The following TMEM131 variants were observed in gnomAD, a reference collection of about 807,000 sequenced individuals.
The protein encoded by TMEM131 is transmembrane protein 131.
TMEM131 carries 66 observed loss-of-function variants against 211.6 expected under a neutral mutation model. That is an observed-to-expected ratio of 0.31 (90% CI 0.26 to 0.38). The LOEUF is 0.38. TMEM131 is among the 10% of genes least tolerant of loss of function. The pLI, the probability that TMEM131 is intolerant of heterozygous loss-of-function variation, is 1.00. For synonymous variants in TMEM131, 844 were observed against 841.3 expected (o/e 1.00, Z -0.06); for missense variants, 2,036 against 2,299.3 (o/e 0.89, Z 2.34).
chr2:97,973,546 T>C (rs1679398192), intron 1 of TMEM131, among the ~76,000 whole-genome samples: 1 of 152,062 alleles, frequency 6.6e-6, no homozygotes, highest in African/African-American at 2.4e-5. Flanking sequence ...AATACCAAAA[T>C]GGAGTGAGCT....
In TMEM131 at chr2:97,827,420, C is replaced by A. The variant is rs186741170; in HGVS notation, c.1074+5945G>T. On this transcript the variant is annotated intron_variant, in intron 11 of 40. Coordinates refer to ENST00000186436, the MANE Select transcript of TMEM131 (RefSeq NM_015348.2). ...GTGCAAACAAAAGGGAAAAGGGGAG[C>A]AAAGGGAAAACAGGCCGAAGTGGCT... is the stretch of plus-strand genomic sequence containing the variant. 9.2e-4 allele frequency: 969 copies of A among 1,051,626 alleles called. 8 individuals are homozygous for A. The East Asian group carries it at 0.017, about 18-fold the overall frequency. 65.1% of individuals were successfully genotyped at this position (1,051,626 alleles called of 1,614,324 possible).
At chr2:97,857,456 T>C (rs1673894002) in intron 5 of TMEM131, among the ~76,000 whole-genome samples, 1 of 152,234 alleles carries the variant, frequency 6.6e-6, no homozygotes, top group African/African-American at 2.4e-5. Context: ...CCCTGGCCTT[T>C]AACACAGGTG....
chr2:97,841,738 T>C, intron 7 of TMEM131, 77 bp downstream of exon 7: 1 of 1,433,066 alleles, frequency 7.0e-7, no homozygotes, highest in Admixed American at 2.7e-5. Context: ...TTGGAAACTG[T>C]AACAAACTGA....
chr2:97,782,233 G>A (rs1481744639), intron 31 of TMEM131, among the ~76,000 whole-genome samples: 4 of 152,206 alleles, frequency 2.6e-5, no homozygotes, highest in Non-Finnish European at 5.9e-5. Flanking sequence ...AGAACTCCCA[G>A]CCCTACCCAG....
At chr2:97,826,949 A>C (rs929587709) in intron 11 of TMEM131, among the ~76,000 whole-genome samples, 7 of 152,000 alleles carry the variant, frequency 4.6e-5, no homozygotes, top group African/African-American at 1.7e-4. Context: ...AATCTTAACT[A>C]ATTACTATAC....
At chr2:97,986,491 T>C (rs570337044) in intron 1 of TMEM131, among the ~76,000 whole-genome samples, 1 of 152,324 alleles carries the variant, frequency 6.6e-6, no homozygotes, top group Admixed American at 6.5e-5. Flanking sequence ...TAAACAAGAA[T>C]TTCTAGGATT....
At chr2:97,952,637 G>A (rs1486349963) in intron 1 of TMEM131, among the ~76,000 whole-genome samples, 1 of 152,188 alleles carries the variant, frequency 6.6e-6, no homozygotes, top group African/African-American at 2.4e-5. Flanking sequence ...AGCACTTTGG[G>A]AGGCCGAGGC....
chr2:97,985,554 C>G (rs887218893), intron 1 of TMEM131, among the ~76,000 whole-genome samples: 1 of 151,882 alleles, frequency 6.6e-6, no homozygotes, highest in African/African-American at 2.4e-5. Flanking sequence ...TAAGAAACTG[C>G]TTTTTGAAGA....
intron 33 of TMEM131, among the ~76,000 whole-genome samples, chr2:97,769,442 T>C (rs936045967): frequency 5.3e-5 from 8 of 152,174 alleles, no homozygotes; most frequent in African/African-American, 1.9e-4. Flanking sequence ...CAGTACACAT[T>C]TCTGTCTGGG....
chr2:97,805,245 C>T, intron 21 of TMEM131, 40 bp from the exon 22 acceptor site: 10 of 1,584,668 alleles, frequency 6.3e-6, no homozygotes, highest in East Asian at 2.2e-5. Context: ...TCTATACTCA[C>T]TTGTCAATTT....
At chr2:97,760,037 A>T (rs1333119015) in intron 38 of TMEM131, 2 of 373,902 alleles carry the variant, frequency 5.3e-6, no homozygotes, top group East Asian at 9.8e-5. Flanking sequence ...TTGGTACTGG[A>T]AGATTTATTT....
intron 19 of TMEM131, among the ~76,000 whole-genome samples, chr2:97,806,186 T>G (rs576798009): frequency 1.1e-4 from 17 of 152,342 alleles, no homozygotes; most frequent in African/African-American, 3.8e-4. Context: ...ATATGTCATT[T>G]GTATCAAAGA....
intron 31 of TMEM131, among the ~76,000 whole-genome samples, chr2:97,783,872 A>T (rs1307772247): frequency 1.3e-5 from 2 of 152,082 alleles, no homozygotes; most frequent in African/African-American, 4.8e-5. Context: ...ACGTACTTCA[A>T]ATACAATGAT....
At chr2:97,835,800 G>A (rs1003040184) in intron 8 of TMEM131, among the ~76,000 whole-genome samples, 3 of 152,166 alleles carry the variant, frequency 2.0e-5, no homozygotes, top group African/African-American at 7.2e-5. Context: ...CACCGAAATA[G>A]GCTGGAGGTG....
At chr2:97,959,093 A>G (rs1678698762) in intron 1 of TMEM131, among the ~76,000 whole-genome samples, 1 of 152,216 alleles carries the variant, frequency 6.6e-6, no homozygotes, top group African/African-American at 2.4e-5. Context: ...AAGTCTTGAG[A>G]CAGGTTTCTG....
intron 3 of TMEM131, among the ~76,000 whole-genome samples, chr2:97,897,889 T>C (rs914478960): frequency 1.3e-5 from 2 of 152,174 alleles, no homozygotes; most frequent in Non-Finnish European, 2.9e-5. Context: ...TCTATGTCTT[T>C]AACAGATATT....
At chr2:97,780,686 A>C (rs529690074) in intron 31 of TMEM131, among the ~76,000 whole-genome samples, 8 of 152,130 alleles carry the variant, frequency 5.3e-5, no homozygotes, top group Non-Finnish European at 1.2e-4. Context: ...AAAAAAACAG[A>C]ATTCAGAGGG....
chr2:97,867,087 T>C (rs550095340), intron 4 of TMEM131, among the ~76,000 whole-genome samples: 1 of 152,312 alleles, frequency 6.6e-6, no homozygotes, highest in East Asian at 1.9e-4. Flanking sequence ...AAATTACTAG[T>C]GTTTGTATTA....
intron 4 of TMEM131, among the ~76,000 whole-genome samples, chr2:97,864,778 A>G (rs905950721): frequency 2.6e-5 from 4 of 152,222 alleles, no homozygotes; most frequent in Non-Finnish European, 5.9e-5. Flanking sequence ...GGGCAGCCTG[A>G]GCTGACAACG....
Sources: gnomAD v4.1 joint callset for allele counts (sites outside exome capture counted in the v4.1 genomes callset) on GRCh38, gnomAD v4.1.1 for gene constraint, MANE v1.5 for transcripts, NCBI Gene and HGNC (gene_info 2026-07-23, HGNC 2026-07-21) for gene names.